The following BBS9 variants were observed in gnomAD, a reference collection of about 807,000 sequenced individuals.
BBS9 encodes protein PTHB1.
Under a neutral mutation model 117.7 loss-of-function variants are expected in BBS9, and 89 were observed. The ratio of observed to expected loss-of-function variants is 0.76; its 90% confidence interval spans 0.64 to 0.90. The LOEUF is 0.90. BBS9 is among the 40% of genes least tolerant of loss of function. The pLI, the probability that BBS9 is intolerant of heterozygous loss-of-function variation, is 0.00. For synonymous variants in BBS9, 379 were observed against 370.9 expected (o/e 1.02, Z -0.25); for missense variants, 982 against 1,042.2 (o/e 0.94, Z 0.80).
At chr7:33,297,704 A>G (rs1209995224) in intron 9 of BBS9, among the ~76,000 whole-genome samples, 3 of 152,150 alleles carry the variant, frequency 2.0e-5, no homozygotes, top group African/African-American at 7.2e-5. Context: ...TATTTTATGT[A>G]GGAACAGAAA....
intron 17 of BBS9, among the ~76,000 whole-genome samples, chr7:33,373,154 C>T (rs576332858): frequency 4.2e-4 from 64 of 152,202 alleles, no homozygotes; most frequent in African/African-American, 1.5e-3. Flanking sequence ...CGCACACTCT[C>T]TCTTTCTCTC....
chr7:33,261,788 C>G (rs1328428158), intron 6 of BBS9, among the ~76,000 whole-genome samples: 1 of 152,194 alleles, frequency 6.6e-6, no homozygotes, highest in Non-Finnish European at 1.5e-5. Context: ...TCAAAAAGCA[C>G]CACCGTTTAG....
chr7:33,506,400 A>C lies in BBS9; in HGVS notation c.2298+755A>C, dbSNP rs571509520. On this transcript the variant is annotated intron_variant, in intron 20 of 22. Coordinates refer to ENST00000242067, the MANE Select transcript of BBS9 (RefSeq NM_198428.3). ...TTCAAGGGGAAATCATTTCAAATCC[A>C]TTTTAAAACCTAGATTTGAGAACTA... Among the ~76,000 whole-genome samples the C allele has an allele frequency of 2.6e-5, 4 of 152,332 alleles. No homozygotes were observed. The East Asian group carries it at 7.7e-4, about 29-fold the overall frequency.
intron 19 of BBS9, among the ~76,000 whole-genome samples, chr7:33,499,900 T>G (rs1585036356): frequency 6.6e-6 from 1 of 152,196 alleles, no homozygotes; most frequent in Non-Finnish European, 1.5e-5. Flanking sequence ...CTCAGACCAC[T>G]GAAAATGTTG....
At chr7:33,194,862 A>G (rs551232584) in intron 5 of BBS9, among the ~76,000 whole-genome samples, 4 of 152,172 alleles carry the variant, frequency 2.6e-5, no homozygotes, top group South Asian at 4.1e-4. Context: ...ATGTGGAGAG[A>G]GAGCTAGTAT....
chr7:33,146,736 C>A (rs1008952781), intron 2 of BBS9, among the ~76,000 whole-genome samples: 1 of 148,808 alleles, frequency 6.7e-6, no homozygotes, highest in East Asian at 2.0e-4. Flanking sequence ...AAATGACTTG[C>A]TTTTGAAAAT....
At chr7:33,504,279 C>T (rs1477556999) in intron 19 of BBS9, among the ~76,000 whole-genome samples, 6 of 152,162 alleles carry the variant, frequency 3.9e-5, no homozygotes, top group Non-Finnish European at 7.3e-5. Context: ...GGCAAAGAAT[C>T]TTGGTCGCCC....
chr7:33,626,010 G>T (rs1400372699), intron 21 of BBS9, among the ~76,000 whole-genome samples: 1 of 152,164 alleles, frequency 6.6e-6, no homozygotes, highest in African/African-American at 2.4e-5. Context: ...GTTTGGATTT[G>T]TGTCCCCACC....
chr7:33,234,078 C>A (rs956887216), intron 5 of BBS9, among the ~76,000 whole-genome samples: 1 of 152,124 alleles, frequency 6.6e-6, no homozygotes, highest in Non-Finnish European at 1.5e-5. Context: ...CACTTAGTAG[C>A]CTTCTCAATG....
chr7:33,367,798 G>C lies in BBS9; in HGVS notation c.1725G>C (p.Val575=), dbSNP rs1459614187. ...CCAGTCAGTCAGATGATGATCAGGTGAATGTAATGGGTTTTCACTTCTTAG... is the reference window on the plus strand; with the variant it reads ...CCAGTCAGTCAGATGATGATCAGGTCAATGTAATGGGTTTTCACTTCTTAG... ...GFASQSDDDQ[V]NVMGFHFLGG... is the part of the protein sequence containing the mutation. The change falls in exon 17 of 23, where the codon GTG becomes GTC. Residue 575 remains valine, a synonymous_variant. Transcript: ENST00000242067. The C allele has an allele frequency of 6.2e-7, 1 of 1,613,890 alleles. No homozygotes were observed. The highest frequency in any genetic ancestry group is 1.7e-5 in the Admixed American group (1 of 60,022).
chr7:33,186,670 T>C (rs985294614), intron 5 of BBS9, among the ~76,000 whole-genome samples: 4 of 152,196 alleles, frequency 2.6e-5, no homozygotes, highest in African/African-American at 9.6e-5. Flanking sequence ...AATTATAATA[T>C]TAATTGGTTG....
intron 21 of BBS9, among the ~76,000 whole-genome samples, chr7:33,625,403 C>G (rs911668361): frequency 6.6e-6 from 1 of 152,120 alleles, no homozygotes; most frequent in Non-Finnish European, 1.5e-5. Flanking sequence ...TTTCTGTTGT[C>G]CACATGAGGA....
intron 9 of BBS9, among the ~76,000 whole-genome samples, chr7:33,281,366 C>CTTTTTT (rs397890694): frequency 1.6e-4 from 7 of 43,888 alleles, no homozygotes; most frequent in South Asian, 1.1e-3. Flanking sequence ...TGGTCTATGC[C>CTTTTTT]TTTTTTTTTT....
intron 21 of BBS9, among the ~76,000 whole-genome samples, chr7:33,625,310 G>T (rs1034460992): frequency 6.6e-6 from 1 of 152,030 alleles, no homozygotes; most frequent in Non-Finnish European, 1.5e-5. Context: ...AGCCTTTATT[G>T]TGTTCCTACT....
chr7:33,251,952 AG>A (rs1344154717), intron 5 of BBS9, among the ~76,000 whole-genome samples: 1 of 152,204 alleles, frequency 6.6e-6, no homozygotes, highest in Non-Finnish European at 1.5e-5. Flanking sequence ...ATTGCTATAA[AG>A]AAATACCCAT....
At chr7:33,520,154 A>G (rs1585102889) in intron 20 of BBS9, among the ~76,000 whole-genome samples, 1 of 151,932 alleles carries the variant, frequency 6.6e-6, no homozygotes, top group South Asian at 2.1e-4. Flanking sequence ...GATTACAGGC[A>G]CCTGACACTG....
At chr7:33,548,828 T>C (rs1853868748) in intron 21 of BBS9, among the ~76,000 whole-genome samples, 2 of 149,960 alleles carry the variant, frequency 1.3e-5, no homozygotes, top group Admixed American at 6.6e-5. Context: ...GAAGAATCAA[T>C]ATCGTGAAAA....
chr7:33,618,663 C>T (rs1009761953), intron 21 of BBS9, among the ~76,000 whole-genome samples: 13 of 151,850 alleles, frequency 8.6e-5, no homozygotes, highest in East Asian at 3.9e-4. Context: ...CAGACCAGGC[C>T]GGGCAATATA....
intron 19 of BBS9, among the ~76,000 whole-genome samples, chr7:33,489,425 A>G (rs1024137667): frequency 1.4e-5 from 2 of 140,378 alleles, no homozygotes; most frequent in African/African-American, 2.7e-5. Context: ...AGTAGTGTTG[A>G]TGACCAAGAC....
Sources: gnomAD v4.1 joint callset for allele counts (sites outside exome capture counted in the v4.1 genomes callset) on GRCh38, gnomAD v4.1.1 for gene constraint, MANE v1.5 for transcripts, NCBI Gene and HGNC (gene_info 2026-07-23, HGNC 2026-07-21) for gene names.